The following CNTNAP2 variants were observed in gnomAD, a reference collection of about 807,000 sequenced individuals.
CNTNAP2 encodes the protein contactin associated protein 2.
Under a neutral mutation model 155.2 loss-of-function variants are expected in CNTNAP2, and 98 were observed. That is an observed-to-expected ratio of 0.63 (90% CI 0.54 to 0.75). CNTNAP2 has a LOEUF of 0.75. Ranked by LOEUF, CNTNAP2 falls within the 30% of genes least tolerant of loss-of-function variation. CNTNAP2 has a pLI of 0.00. For missense variants in CNTNAP2, 1,727 were observed against 1,688.1 expected, an observed-to-expected ratio of 1.02 and a Z score of -0.40; for synonymous variants, 651 against 631.2, an observed-to-expected ratio of 1.03 and a Z score of -0.47.
chr7:147,535,774 A>C (rs750176710), intron 11 of CNTNAP2, among the ~76,000 whole-genome samples: 14 of 152,158 alleles, frequency 9.2e-5, no homozygotes, highest in Non-Finnish European at 8.8e-5. Flanking sequence ...TCACAATAAG[A>C]ATGCAAATAC....
chr7:146,610,690 C>G (rs1799122412), intron 1 of CNTNAP2, among the ~76,000 whole-genome samples: 1 of 152,144 alleles, frequency 6.6e-6, no homozygotes, highest in Non-Finnish European at 1.5e-5. Flanking sequence ...CAAATCTAGA[C>G]TTCTAATGGT....
chr7:147,181,466 G>A (rs1173024397), intron 8 of CNTNAP2, among the ~76,000 whole-genome samples: 2 of 152,152 alleles, frequency 1.3e-5, no homozygotes, highest in South Asian at 4.1e-4. Context: ...TAATGTAAAT[G>A]TTTATATACT....
At chr7:146,787,562 G>A (rs142629036) in intron 2 of CNTNAP2, among the ~76,000 whole-genome samples, 116 of 152,304 alleles carry the variant, frequency 7.6e-4, no homozygotes, top group African/African-American at 2.6e-3. Flanking sequence ...CCTTCACGGT[G>A]AGTGTTACAG....
intron 4 of CNTNAP2, among the ~76,000 whole-genome samples, chr7:147,089,694 A>G (rs1212617321): frequency 6.6e-6 from 1 of 152,214 alleles, no homozygotes; most frequent in East Asian, 1.9e-4. Flanking sequence ...GAATACATAC[A>G]GCCAACCAGG....
intron 8 of CNTNAP2, among the ~76,000 whole-genome samples, chr7:147,247,938 T>A (rs555807772): frequency 5.5e-4 from 83 of 152,012 alleles, no homozygotes; most frequent in South Asian, 6.2e-4. Context: ...AGGAAAAAAA[T>A]TTTTAAAAAA....
intron 1 of CNTNAP2, among the ~76,000 whole-genome samples, chr7:146,751,720 T>C (rs1801906757): frequency 6.6e-6 from 1 of 152,092 alleles, no homozygotes; most frequent in Non-Finnish European, 1.5e-5. Flanking sequence ...CAATCCGTCA[T>C]GTAGGTTTTA....
chr7:147,510,114 G>A (rs537722795), intron 11 of CNTNAP2, among the ~76,000 whole-genome samples: 1 of 152,234 alleles, frequency 6.6e-6, no homozygotes, highest in African/African-American at 2.4e-5. Flanking sequence ...CAGAGCAGAG[G>A]ATTCGTGCCA....
intron 13 of CNTNAP2, among the ~76,000 whole-genome samples, chr7:147,817,364 A>G (rs1798282743): frequency 6.6e-6 from 1 of 152,206 alleles, no homozygotes; most frequent in African/African-American, 2.4e-5. Flanking sequence ...TGTAGGTGAG[A>G]TAATATCACT....
intron 1 of CNTNAP2, among the ~76,000 whole-genome samples, chr7:146,391,265 A>T (rs986872871): frequency 6.6e-6 from 1 of 151,818 alleles, no homozygotes; most frequent in South Asian, 2.1e-4. Context: ...GTGAGTAACC[A>T]ATAAACAAAG....
At chr7:146,300,153 A>C (rs533782270) in intron 1 of CNTNAP2, among the ~76,000 whole-genome samples, 4 of 152,216 alleles carry the variant, frequency 2.6e-5, no homozygotes, top group African/African-American at 9.6e-5. Flanking sequence ...AAACCTTTAC[A>C]TACAGCTCTA....
chr7:146,757,428 A>G (rs2129183415), intron 1 of CNTNAP2, among the ~76,000 whole-genome samples: 1 of 152,292 alleles, frequency 6.6e-6, no homozygotes, highest in African/African-American at 2.4e-5. Flanking sequence ...TTCTTTACAT[A>G]AGCAAGTGAT....
At chr7:146,562,029 A>G (rs1014786055) in intron 1 of CNTNAP2, among the ~76,000 whole-genome samples, 5 of 152,022 alleles carry the variant, frequency 3.3e-5, no homozygotes, top group Non-Finnish European at 5.9e-5. Flanking sequence ...GGCTCAAGCA[A>G]TCCTCCTGCC....
intron 3 of CNTNAP2, among the ~76,000 whole-genome samples, chr7:146,859,670 A>AAT (rs1554401887): frequency 1.5e-4 from 23 of 151,874 alleles, no homozygotes; most frequent in South Asian, 1.0e-3. Context: ...AAAAAAAAAA[A>AAT]ATATATATAA....
intron 1 of CNTNAP2, among the ~76,000 whole-genome samples, chr7:146,399,056 C>A (rs1474627603): frequency 6.9e-6 from 1 of 145,656 alleles, no homozygotes; most frequent in African/African-American, 2.7e-5. Flanking sequence ...TTTTTCCTTT[C>A]TTTAAGAACG....
intron 9 of CNTNAP2, among the ~76,000 whole-genome samples, chr7:147,301,692 C>T (rs913680193): frequency 1.3e-5 from 2 of 150,890 alleles, no homozygotes; most frequent in Admixed American, 6.6e-5. Flanking sequence ...CCTTGTTTAT[C>T]TCATACCCTG....
intron 15 of CNTNAP2, among the ~76,000 whole-genome samples, chr7:148,025,635 T>C (rs13233277): frequency 0.048 from 7,379 of 152,304 alleles, 312 homozygotes; most frequent in East Asian, 0.26. Flanking sequence ...AAACAATCTA[T>C]GGTCCCTCTT....
At chr7:146,464,249 G>A (rs1267100210) in intron 1 of CNTNAP2, among the ~76,000 whole-genome samples, 2 of 109,906 alleles carry the variant, frequency 1.8e-5, no homozygotes, top group Non-Finnish European at 1.8e-5. Flanking sequence ...AAATGAAACC[G>A]CAAAAACCCT....
chr7:147,377,460 T>G (rs1161801012), intron 9 of CNTNAP2, among the ~76,000 whole-genome samples: 1 of 151,858 alleles, frequency 6.6e-6, no homozygotes, highest in African/African-American at 2.4e-5. Flanking sequence ...GTTTTAGATT[T>G]TACCACATTT....
At chr7:147,890,658 A>G (rs1287239315) in intron 13 of CNTNAP2, among the ~76,000 whole-genome samples, 2 of 152,206 alleles carry the variant, frequency 1.3e-5, no homozygotes, top group East Asian at 1.9e-4. Context: ...TCTGGAACAC[A>G]GAAGAACATA....
Sources: allele counts gnomAD v4.1 joint callset (sites outside exome capture counted in the v4.1 genomes callset), GRCh38; gene constraint gnomAD v4.1.1; transcripts MANE v1.5; gene names NCBI Gene and HGNC (gene_info 2026-07-23, HGNC 2026-07-21).